The following PRKDC variants were observed in gnomAD, a reference collection of about 807,000 sequenced individuals.
PRKDC encodes DNA-dependent protein kinase catalytic subunit.
In PRKDC, 82 loss-of-function variants were observed where a neutral mutation model predicts 486.9. That is an observed-to-expected ratio of 0.17 (90% confidence interval 0.14 to 0.20). PRKDC has a LOEUF of 0.20. Among genes scored for constraint, PRKDC ranks in the 10% least tolerant of loss-of-function variants. The pLI is 1.00. For synonymous variants in PRKDC, 1,895 were observed against 1,837.0 expected, an observed-to-expected ratio of 1.03 and a Z score of -0.81; for missense variants, 4,504 against 5,038.2, an observed-to-expected ratio of 0.89 and a Z score of 3.21.
At chr8:47,786,307 G>A (rs75898781) in intron 76 of PRKDC, among the ~76,000 whole-genome samples, 4,323 of 151,746 alleles carry the variant, frequency 0.028, 210 homozygotes, top group African/African-American at 0.097. Flanking sequence ...AGCTACTCAG[G>A]AGGCGGAGGC....
intron 10 of PRKDC, among the ~76,000 whole-genome samples, chr8:47,941,225 CA>C (rs1240396011): frequency 6.6e-6 from 1 of 151,866 alleles, no homozygotes; most frequent in African/African-American, 2.4e-5. Context: ...GAAAAAAGGC[CA>C]AAAAATTATG....
chr8:47,900,328 C>T (rs766365916), intron 28 of PRKDC, 45 bp downstream of exon 28: 1 of 1,397,988 alleles, frequency 7.2e-7, no homozygotes, highest in Non-Finnish European at 9.5e-7. Context: ...ATTGGGGAAA[C>T]TCTTCAGACC....
Position 47,806,847 on chromosome 8 carries a change from G to T in PRKDC, c.9747+290C>A, listed in dbSNP as rs180936404. Among the ~76,000 whole-genome samples the T allele has an allele frequency of 1.1e-3, 173 of 152,216 alleles. 1 individual carries two copies. Among genetic ancestry groups the T allele is most frequent in the African/African-American group, 3.8e-3 (157 of 41,538 alleles). On this transcript the variant is annotated intron_variant, in intron 69 of 85. Coordinates refer to ENST00000314191, the MANE Select transcript of PRKDC (RefSeq NM_006904.7). ...CTCTAGAGGCTTTCTGGAGAGTTTT[G>T]AATAAGTGCTCCTTCAAGTTTCCTT...
chr8:47,920,207 T>G (rs1273328676), intron 21 of PRKDC, among the ~76,000 whole-genome samples: 5 of 152,216 alleles, frequency 3.3e-5, no homozygotes, highest in Non-Finnish European at 7.3e-5. Flanking sequence ...AGCCCCCTGA[T>G]TCACCACTCC....
intron 26 of PRKDC, 51 bp from the exon 27 acceptor site, chr8:47,902,846 C>G (rs1247074312): frequency 7.2e-7 from 1 of 1,385,078 alleles, no homozygotes; most frequent in Non-Finnish European, 9.8e-7. Flanking sequence ...TAACCACTGA[C>G]AACTGAATAC....
chr8:47,911,610 TTTC>T (rs2154502746), intron 25 of PRKDC, among the ~76,000 whole-genome samples: 1 of 152,312 alleles, frequency 6.6e-6, no homozygotes, highest in South Asian at 2.1e-4. Context: ...TGCATTTCAT[TTTC>T]TTTTTTAAGT....
intron 21 of PRKDC, among the ~76,000 whole-genome samples, chr8:47,921,532 T>C (rs1160622496): frequency 1.3e-5 from 2 of 152,128 alleles, no homozygotes; most frequent in Non-Finnish European, 2.9e-5. Context: ...GTGCTTTTCC[T>C]TTTTGCTTTT....
Position 47,832,388 on chromosome 8 carries a change from G to A in PRKDC, c.8153-462C>T, listed in dbSNP as rs139291404. Reference sequence around the variant, plus strand: ...ACACCAGCCTTAACCTCCAAATCACGACAGGTTCTAAGGAAAGTTTCAAAT... The same window carrying A: ...ACACCAGCCTTAACCTCCAAATCACAACAGGTTCTAAGGAAAGTTTCAAAT... On this transcript the variant is annotated intron_variant, in intron 59 of 85. Coordinates refer to ENST00000314191, the MANE Select transcript of PRKDC (RefSeq NM_006904.7). Among the ~76,000 whole-genome samples, 34 of 152,278 alleles carry A rather than the reference G, an allele frequency of 2.2e-4. 3 individuals are homozygous for A. The highest frequency in any genetic ancestry group is 7.7e-4 in the African/African-American group (32 of 41,554).
chr8:47,790,859 A>C (rs1589697570), intron 74 of PRKDC, among the ~76,000 whole-genome samples: 2 of 152,332 alleles, frequency 1.3e-5, no homozygotes, highest in African/African-American at 4.8e-5. Context: ...GGGTATCCAT[A>C]TGCAGAATAA....
At chr8:47,800,720 T>C in intron 71 of PRKDC, 73 bp downstream of exon 71, 1 of 1,331,644 alleles carries the variant, frequency 7.5e-7, no homozygotes. Context: ...TTATTATTAC[T>C]TTCCTGTAGC....
intron 21 of PRKDC, among the ~76,000 whole-genome samples, chr8:47,924,553 C>G (rs1233594537): frequency 6.6e-6 from 1 of 151,748 alleles, no homozygotes; most frequent in Admixed American, 6.6e-5. Flanking sequence ...GAGTGAGACT[C>G]TGTCTCAAAA....
intron 13 of PRKDC, 109 bp downstream of exon 13, chr8:47,935,622 AG>A: frequency 2.4e-6 from 3 of 1,265,230 alleles, no homozygotes; most frequent in Non-Finnish European, 3.2e-6. Context: ...GGAGTTCAAA[AG>A]TTGTGTCAAA....
chr8:47,862,165 G>A (rs2088693319), intron 43 of PRKDC, 38 bp from the exon 44 acceptor site: 1 of 1,496,712 alleles, frequency 6.7e-7, no homozygotes, highest in Non-Finnish European at 9.1e-7. Context: ...TAGCTGAATG[G>A]TGAAGATCCT....
intron 10 of PRKDC, among the ~76,000 whole-genome samples, chr8:47,942,334 G>T (rs1457866079): frequency 2.0e-5 from 3 of 152,204 alleles, no homozygotes; most frequent in Admixed American, 2.0e-4. Context: ...CTGACGGGAA[G>T]GCCAAGTACA....
At position 47,825,504 on chromosome 8, in the gene PRKDC, C is replaced by CAAAAAAAAA. The variant is rs397891351; in HGVS notation, c.8783+1143_8783+1151dup. On this transcript the variant is annotated intron_variant, in intron 63 of 85. Coordinates refer to ENST00000314191, the MANE Select transcript of PRKDC (RefSeq NM_006904.7). The stretch of plus-strand genomic sequence containing the variant: ...AACTGGCGACAGAGCAAGACTGTCT[C>CAAAAAAAAA]AAAAAAAAAAAAAAAAAAAAAAAAA... Among the ~76,000 whole-genome samples the CAAAAAAAAA allele has an allele frequency of 3.3e-3, 34 of 10,254 alleles. 5 individuals carry two copies. The highest frequency in any genetic ancestry group is 0.012 in the African/African-American group (34 of 2,770). The allele number at this position is 10,254 out of a possible 152,430, so 6.7% of individuals were successfully genotyped here.
chr8:47,858,779 A>G, intron 47 of PRKDC, 70 bp downstream of exon 47: 2 of 1,533,894 alleles, frequency 1.3e-6, no homozygotes, highest in South Asian at 1.3e-5. Flanking sequence ...TGTTTTCAAT[A>G]TTAAATGTTC....
rs1313835976 is a variant in PRKDC, at chr8:47,782,340, T to C, written c.11396+38A>G. On this transcript the variant is annotated intron_variant, in intron 79 of 85. Transcript: ENST00000314191. The surrounding 1 kb of genome is among the most constrained non-coding windows in gnomAD (Gnocchi z 4.9). ...ACAGTCCCGTGGACGCCAAGCAATA[T>C]GCAGCAGCCTACTGGCTGGGAGCAG... is the stretch of plus-strand genomic sequence containing the variant. 3 of 1,610,086 alleles carry C rather than the reference T, an allele frequency of 1.9e-6. No individual in the cohort carries two copies. The highest frequency in any genetic ancestry group is 3.4e-5 in the Admixed American group (2 of 59,278).
chr8:47,951,825 T>C (rs1273529730), intron 7 of PRKDC, among the ~76,000 whole-genome samples: 3 of 152,186 alleles, frequency 2.0e-5, no homozygotes, highest in African/African-American at 4.8e-5. Flanking sequence ...GACATTTCTC[T>C]AAAGGCACAC....
At chr8:47,921,429 A>T (rs1024515327) in intron 21 of PRKDC, among the ~76,000 whole-genome samples, 2 of 152,132 alleles carry the variant, frequency 1.3e-5, no homozygotes, top group Non-Finnish European at 2.9e-5. Flanking sequence ...GAGTTAATGG[A>T]TACTTTGGAT....
Sources: allele counts gnomAD v4.1 joint callset (sites outside exome capture counted in the v4.1 genomes callset), GRCh38; gene constraint gnomAD v4.1.1; non-coding constraint Gnocchi (gnomAD v3.1); transcripts MANE v1.5; gene names NCBI Gene and HGNC (gene_info 2026-07-23, HGNC 2026-07-21).